ZNF91: variants seen among roughly 807,000 people sequenced by gnomAD.
The protein encoded by ZNF91 is zinc finger protein 91, also known as zinc finger protein 91 (HPF7, HTF10).
A neutral mutation model predicts 12.6 loss-of-function variants in ZNF91; 7 were observed. That is an observed-to-expected ratio of 0.55 (90% CI 0.31 to 1.04). The LOEUF (loss-of-function observed/expected upper bound fraction) is 1.04, where lower values mean the gene tolerates loss of function less well. Among genes scored for constraint, ZNF91 ranks in the 50% least tolerant of loss-of-function variants. ZNF91 has a pLI of 0.05. For synonymous variants in ZNF91, 453 were observed against 462.6 expected, an observed-to-expected ratio of 0.98 and a Z score of 0.27; for missense variants, 1,217 against 1,385.4, an observed-to-expected ratio of 0.88 and a Z score of 1.93.
intron 3 of ZNF91, among the ~76,000 whole-genome samples, chr19:23,346,155 T>C (rs1467622671): frequency 1.3e-5 from 2 of 152,078 alleles, no homozygotes; most frequent in Non-Finnish European, 2.9e-5. Flanking sequence ...AAAGACTCAG[T>C]TCATTTCCAG....
chr19:23,377,850 T>C (rs890374235), intron 1 of ZNF91, among the ~76,000 whole-genome samples: 3 of 152,250 alleles, frequency 2.0e-5, no homozygotes, highest in Non-Finnish European at 4.4e-5. Flanking sequence ...TGATAATTCA[T>C]TATTTGATTT....
chr19:23,394,729 AAAAAC>A (rs905720306), intron 1 of ZNF91, among the ~76,000 whole-genome samples: 1 of 152,180 alleles, frequency 6.6e-6, no homozygotes, highest in Non-Finnish European at 1.5e-5. Flanking sequence ...CTCCTTTTCA[AAAAAC>A]AAAACAAAAC....
intron 1 of ZNF91, among the ~76,000 whole-genome samples, chr19:23,393,936 G>A (rs1970150017): frequency 6.6e-6 from 1 of 152,146 alleles, no homozygotes; most frequent in South Asian, 2.1e-4. Context: ...GTAGGCGGAG[G>A]TTGTAGTGAG....
intron 3 of ZNF91, among the ~76,000 whole-genome samples, chr19:23,350,383 C>A (rs1425532722): frequency 1.3e-5 from 2 of 152,070 alleles, no homozygotes; most frequent in African/African-American, 4.8e-5. Context: ...CCTGTGTTAT[C>A]CCACTAATAA....
At chr19:23,324,164 TTTC>T (rs886599743) in intron 1 of ZNF91, 23 of 146,592 alleles carry the variant, frequency 1.6e-4, no homozygotes, top group Non-Finnish European at 1.2e-4. Flanking sequence ...TCCTCATTCT[TTTC>T]TTCTTCTCCT....
chr19:23,368,785 AAAC>A (rs1434339382), intron 3 of ZNF91, among the ~76,000 whole-genome samples: 1 of 151,984 alleles, frequency 6.6e-6, no homozygotes, highest in African/African-American at 2.4e-5. Flanking sequence ...CAAAAAATAT[AAAC>A]AACTTTTAAA....
intron 3 of ZNF91, among the ~76,000 whole-genome samples, chr19:23,365,297 C>CA (rs59288286): frequency 0.044 from 5,990 of 136,020 alleles, 140 homozygotes; most frequent in African/African-American, 0.05. Context: ...CACAGTTCTA[C>CA]AAAAAAAAAA....
At chr19:23,357,296 A>C (rs10415192), downstream of ZNF91, among the ~76,000 whole-genome samples, 3,322 of 152,266 alleles carry the variant, frequency 0.022, 111 homozygotes, top group African/African-American at 0.075. Context: ...ACAACAACAA[A>C]AAATTATGGG....
chr19:23,332,355 T>A (rs78297555), intron 1 of ZNF91, among the ~76,000 whole-genome samples: 1 of 151,928 alleles, frequency 6.6e-6, no homozygotes, highest in African/African-American at 2.4e-5. Context: ...ATTTTTTTTT[T>A]AACACATCAT....
chr19:23,322,496 G>A (rs1967718436), intron 1 of ZNF91, among the ~76,000 whole-genome samples: 1 of 152,108 alleles, frequency 6.6e-6, no homozygotes. Flanking sequence ...GTCCACAGGT[G>A]TATTACCACA....
chr19:23,323,358 TTCC>T (rs774511979), intron 1 of ZNF91, among the ~76,000 whole-genome samples: 12 of 140,676 alleles, frequency 8.5e-5, no homozygotes, highest in African/African-American at 1.3e-4. Context: ...TCCCCCTCCT[TTCC>T]TCCTCTTCCC....
chr19:23,316,166 A>AT (rs34486796), intron 1 of ZNF91, among the ~76,000 whole-genome samples: 57,157 of 137,608 alleles, frequency 0.42, 12,071 homozygotes, highest in African/African-American at 0.51. Flanking sequence ...AGGTGAGGTG[A>AT]TTTTTTTTTT....
intron 3 of ZNF91, among the ~76,000 whole-genome samples, chr19:23,364,162 T>A (rs1968912216): frequency 6.6e-6 from 1 of 152,174 alleles, no homozygotes; most frequent in Admixed American, 6.5e-5. Context: ...CTACTAAAAC[T>A]ACAAAAATCA....
chr19:23,340,189 C>G (rs1227072745), intron 3 of ZNF91: 3 of 151,926 alleles, frequency 2.0e-5, no homozygotes, highest in African/African-American at 7.2e-5. Flanking sequence ...AAATAAAAAT[C>G]AGAACACAAC....
rs1487572345 is a variant in ZNF91, at chr19:23,360,603, G to T, written c.2376C>A (p.His792Gln). ...SSTLTRHKRI[H>Q]TGEKPYKCEE... The stretch of plus-strand genomic sequence containing the variant: ...CACATTTGTAGGGCTTCTCTCCAGT[G>T]TGTATCCTCTTATGTCTAGTTAGGG... The change falls in exon 4 of 4, where the codon CAC becomes CAA. Residue 792 changes from histidine to glutamine, a missense_variant. By Grantham distance (24) the His-to-Gln change is conservative. Around this residue, in one of 2 missense-constraint regions of ZNF91, gnomAD observed 491 missense variants for 489.8 expected, o/e 1.00. Transcript: ENST00000300619. 3 of 1,611,670 alleles carry T rather than the reference G, an allele frequency of 1.9e-6. No homozygotes were observed. The highest frequency in any genetic ancestry group is 2.5e-6 in the Non-Finnish European group (3 of 1,179,418).
chr19:23,334,774 A>G (rs1380220265), downstream of ZNF91, among the ~76,000 whole-genome samples: 1 of 152,198 alleles, frequency 6.6e-6, no homozygotes, highest in African/African-American at 2.4e-5. Context: ...GATTATTATA[A>G]TGGGGTTACC....
chr19:23,364,399 C>T (rs1000586101), intron 3 of ZNF91, among the ~76,000 whole-genome samples: 3 of 151,974 alleles, frequency 2.0e-5, no homozygotes, highest in East Asian at 1.9e-4. Context: ...GAGCCGAGAT[C>T]GCGCCATTGC....
At chr19:23,385,561 T>C (rs575913851) in intron 1 of ZNF91, among the ~76,000 whole-genome samples, 1 of 152,330 alleles carries the variant, frequency 6.6e-6, no homozygotes, top group African/African-American at 2.4e-5. Flanking sequence ...GGCTCAGATA[T>C]TGTTTGCAGA....
intron 1 of ZNF91, among the ~76,000 whole-genome samples, chr19:23,392,836 G>A (rs924279672): frequency 6.8e-6 from 1 of 147,098 alleles, no homozygotes; most frequent in Non-Finnish European, 1.5e-5. Flanking sequence ...GTCAAAATAA[G>A]TGAACAAAGC....
Sources: allele counts gnomAD v4.1 joint callset (sites outside exome capture counted in the v4.1 genomes callset), GRCh38; gene constraint gnomAD v4.1.1; regional missense constraint gnomAD v4.1.1; transcripts MANE v1.5; gene names NCBI Gene and HGNC (gene_info 2026-07-23, HGNC 2026-07-21).